The following PFKFB3 variants were observed in gnomAD, a reference collection of about 807,000 sequenced individuals.
The protein encoded by PFKFB3 is 6-phosphofructo-2-kinase/fructose-2,6-biphosphatase 3.
PFKFB3 carries 33 observed loss-of-function variants against 68.0 expected under a neutral mutation model. That is an observed-to-expected ratio of 0.49 (90% CI 0.37 to 0.65). The LOEUF is 0.65. Among genes scored for constraint, PFKFB3 ranks in the 30% least tolerant of loss-of-function variants. The pLI is 0.00. For synonymous variants in PFKFB3, 315 were observed against 288.2 expected (o/e 1.09, Z -0.94); for missense variants, 586 against 712.2 (o/e 0.82, Z 2.02).
At position 6,154,841 on chromosome 10, in the gene PFKFB3, G is replaced by T. The variant is rs551760759; in HGVS notation, c.16+9828G>T. 1.3e-5 allele frequency among the ~76,000 whole-genome samples: 2 copies of T among 152,322 alleles called. No homozygotes were observed. The highest frequency in any genetic ancestry group is 2.1e-4 in the South Asian group (1 of 4,830). ...CGCTGGGAGCCAGGTGGCCGAGGCG[G>T]TCGAGGCCTGGGTTGTAGTGAGCTG... is the stretch of plus-strand genomic sequence containing the variant. On this transcript the variant is annotated intron_variant, in intron 1 of 14. Coordinates refer to the PFKFB3 transcript ENST00000379789. The surrounding 1 kb of genome is among the most constrained non-coding windows in gnomAD (Gnocchi z 4.6).
downstream of PFKFB3, among the ~76,000 whole-genome samples, chr10:6,256,659 T>C (rs1398811126): frequency 2.0e-5 from 3 of 152,220 alleles, no homozygotes; most frequent in African/African-American, 7.2e-5. Context: ...CTCCCAGGTG[T>C]ATTTAACGTG....
chr10:6,267,149 G>T, the PFKFB3 span, among the ~76,000 whole-genome samples: 1 of 152,162 alleles, frequency 6.6e-6, no homozygotes, highest in Non-Finnish European at 1.5e-5. Context: ...AAACATAAGC[G>T]CATTTAACTC....
At chr10:6,222,490 T>A (rs1431486529) in intron 10 of PFKFB3, among the ~76,000 whole-genome samples, 1 of 152,190 alleles carries the variant, frequency 6.6e-6, no homozygotes, top group Non-Finnish European at 1.5e-5. Flanking sequence ...CCAGACCTGT[T>A]AGGAGCCGCT....
intron 8 of PFKFB3, 47 bp from the exon 9 acceptor site, chr10:6,221,334 G>T (rs747462341): frequency 6.2e-7 from 1 of 1,607,716 alleles, no homozygotes. Context: ...GCTCTTGGAG[G>T]AGCTGCGGGC....
intron 1 of PFKFB3, among the ~76,000 whole-genome samples, chr10:6,208,229 G>A (rs967227810): frequency 2.6e-5 from 4 of 152,102 alleles, no homozygotes; most frequent in East Asian, 3.9e-4. Context: ...GTGCTACTGC[G>A]CCCAGCTAAT....
the PFKFB3 span, chr10:6,294,151 C>T: frequency 2.0e-6 from 1 of 506,746 alleles, no homozygotes; most frequent in South Asian, 1.5e-5. Flanking sequence ...AAACTCAGGC[C>T]TATGTGTTGA....
intron 11 of PFKFB3, among the ~76,000 whole-genome samples, chr10:6,223,663 C>A (rs927914696): frequency 1.3e-5 from 2 of 152,170 alleles, no homozygotes; most frequent in African/African-American, 2.4e-5. Context: ...GCTCTTCTTG[C>A]GCAGGCTGCA....
intron 14 of PFKFB3, among the ~76,000 whole-genome samples, chr10:6,227,112 C>A (rs1210461209): frequency 6.6e-6 from 1 of 152,048 alleles, no homozygotes; most frequent in Non-Finnish European, 1.5e-5. Flanking sequence ...AAACCCCAAC[C>A]CGATTTCACT....
chr10:6,147,042 C>G (rs1168558294), intron 1 of PFKFB3, among the ~76,000 whole-genome samples: 1 of 152,182 alleles, frequency 6.6e-6, no homozygotes, highest in Non-Finnish European at 1.5e-5. Flanking sequence ...CAGAGCTTCC[C>G]CAGTTGCAGG....
chr10:6,181,889 T>C (rs971309195), intron 1 of PFKFB3, among the ~76,000 whole-genome samples: 5 of 148,882 alleles, frequency 3.4e-5, no homozygotes, highest in African/African-American at 1.0e-4. Context: ...CAAAGTAGAA[T>C]GGAGGTGGCC....
chr10:6,298,359 A>C, the PFKFB3 span, among the ~76,000 whole-genome samples: 1 of 136,710 alleles, frequency 7.3e-6, no homozygotes, highest in Admixed American at 8.0e-5. Flanking sequence ...CACTTATTCT[A>C]TGGTTCAGGG....
chr10:6,180,875 G>C (rs2131786771), intron 1 of PFKFB3, among the ~76,000 whole-genome samples: 1 of 152,336 alleles, frequency 6.6e-6, no homozygotes, highest in East Asian at 1.9e-4. Flanking sequence ...CTGGCAAGTA[G>C]CAGAATTGTG....
rs373564158 is a variant in PFKFB3 at position 6,221,564 on chromosome 10, G to A, written c.978+37G>A. 2.9e-5 allele frequency: 46 copies of A among 1,611,900 alleles called. No homozygotes were observed. The African/African-American group carries it at 4.3e-4, about 15-fold the overall frequency. ...GAGGCGGGCAGGCAGCCTCACCCTC[G>A]GGCATGGGGCGGCTTCCCAAGAGGC... On this transcript the variant is annotated intron_variant, in intron 9 of 14. Transcript: ENST00000379775.
downstream of PFKFB3, among the ~76,000 whole-genome samples, chr10:6,257,372 T>C (rs76392654): frequency 0.045 from 6,849 of 152,146 alleles, 211 homozygotes; most frequent in Non-Finnish European, 0.066. Flanking sequence ...CTGGGAAAAA[T>C]AAACAAGCAC....
intron 1 of PFKFB3, among the ~76,000 whole-genome samples, chr10:6,161,813 A>G (rs1841984053): frequency 6.6e-6 from 1 of 152,066 alleles, no homozygotes; most frequent in Non-Finnish European, 1.5e-5. Context: ...TTTAATTTTT[A>G]ATTTTGTAGA....
chr10:6,201,528 CCCTCGGCAGGCGGCG>C (rs1217346683), upstream of PFKFB3, among the ~76,000 whole-genome samples: 20 of 150,830 alleles, frequency 1.3e-4, no homozygotes, highest in South Asian at 3.4e-3. The surrounding 1 kb of genome is among the most constrained non-coding windows in gnomAD (Gnocchi z 4.1). Context: ...GTTCCGGGGC[CCCTCGGCAGGCGGCG>C]GGTCGGGAGG....
intron 1 of PFKFB3, among the ~76,000 whole-genome samples, chr10:6,156,975 C>T (rs888575509): frequency 2.0e-5 from 3 of 151,104 alleles, no homozygotes; most frequent in African/African-American, 7.3e-5. Context: ...ACCTGTCATC[C>T]CAGCTACTTG....
the PFKFB3 span, among the ~76,000 whole-genome samples, chr10:6,275,063 G>A: frequency 6.6e-6 from 1 of 152,144 alleles, no homozygotes; most frequent in Non-Finnish European, 1.5e-5. This position sits in a 1 kb window ranked among gnomAD's most constrained non-coding sequence, Gnocchi z 4.9. Context: ...GTCCACTAGG[G>A]GACTTTTGGG....
In PFKFB3 at chr10:6,210,410, G is replaced by T; in HGVS notation, c.77-3213G>T. Among the ~76,000 whole-genome samples the T allele has an allele frequency of 2.1e-5, 2 of 96,644 alleles. 1 individual carries two copies. The highest frequency in any genetic ancestry group is 5.0e-5 in the Non-Finnish European group (2 of 40,150). 63.4% of individuals were successfully genotyped at this position (96,644 alleles called of 152,430 possible). On this transcript the variant is annotated intron_variant, in intron 1 of 14. Transcript: ENST00000379775. ...AAGTTTCGCTCTGTCACCCAGGCTGGAGTGCAGTGGCGCTATCTCGGCTCA... is the reference window on the plus strand; with the variant it reads ...AAGTTTCGCTCTGTCACCCAGGCTGTAGTGCAGTGGCGCTATCTCGGCTCA...
Sources: gnomAD v4.1 joint callset for allele counts (sites outside exome capture counted in the v4.1 genomes callset) on GRCh38, gnomAD v4.1.1 for gene constraint, Gnocchi (gnomAD v3.1) non-coding constraint, MANE v1.5 for transcripts, NCBI Gene and HGNC (gene_info 2026-07-23, HGNC 2026-07-21) for gene names.